The following ARMH4 variants were observed in gnomAD, a reference collection of about 807,000 sequenced individuals.
ARMH4 encodes armadillo like helical domain containing 4.
In ARMH4, 49 loss-of-function variants were observed where a neutral mutation model predicts 61.9. The ratio of observed to expected loss-of-function variants is 0.79; its 90% CI spans 0.63 to 1.00. ARMH4 has a LOEUF of 1.00. ARMH4 is among the 50% of genes least tolerant of loss of function. ARMH4 has a pLI of 0.00. For missense variants in ARMH4, 934 were observed against 930.0 expected (o/e 1.00, Z -0.06); for synonymous variants, 368 against 341.5 (o/e 1.08, Z -0.85).
intron 1 of ARMH4, among the ~76,000 whole-genome samples, chr14:58,144,380 A>G (rs1266434658): frequency 6.6e-6 from 1 of 152,082 alleles, no homozygotes; most frequent in East Asian, 1.9e-4. Flanking sequence ...CCTGAGCAAC[A>G]TGGCAAATCT....
chr14:58,032,339 G>A (rs1799972985), intron 5 of ARMH4, among the ~76,000 whole-genome samples: 2 of 152,258 alleles, frequency 1.3e-5, no homozygotes, highest in Non-Finnish European at 1.5e-5. Flanking sequence ...GCCCAATGAA[G>A]GGTAAGTCTA....
At chr14:58,072,926 C>A (rs1350340466) in intron 5 of ARMH4, among the ~76,000 whole-genome samples, 2 of 152,156 alleles carry the variant, frequency 1.3e-5, no homozygotes, top group African/African-American at 4.8e-5. Flanking sequence ...GGAGAAAATA[C>A]TTCTGTGTAT....
chr14:58,090,411 C>T (rs1253570327), intron 5 of ARMH4, among the ~76,000 whole-genome samples: 2 of 152,100 alleles, frequency 1.3e-5, no homozygotes, highest in Non-Finnish European at 2.9e-5. Flanking sequence ...AACACAGAAA[C>T]CATGCATGAC....
At chr14:58,038,552 TAAAA>T (rs71448937) in intron 5 of ARMH4, among the ~76,000 whole-genome samples, 1 of 136,926 alleles carries the variant, frequency 7.3e-6, no homozygotes, top group African/African-American at 2.7e-5. Flanking sequence ...TAAAGTATAA[TAAAA>T]AAAAATTAAA....
At chr14:58,140,438 A>G (rs191086113) in intron 1 of ARMH4, among the ~76,000 whole-genome samples, 2,361 of 150,736 alleles carry the variant, frequency 0.016, 62 homozygotes, top group African/African-American at 0.054. Context: ...AAAATTAGCC[A>G]GGCATGGTGG....
At chr14:58,124,225 C>T (rs1346435117) in intron 4 of ARMH4, among the ~76,000 whole-genome samples, 2 of 152,048 alleles carry the variant, frequency 1.3e-5, no homozygotes, top group Non-Finnish European at 2.9e-5. Context: ...CTTTCCAGGC[C>T]CTAAAGAAGG....
At chr14:58,004,953 C>G in intron 7 of ARMH4, 95 bp downstream of exon 7, 1 of 1,572,942 alleles carries the variant, frequency 6.4e-7, no homozygotes, top group Non-Finnish European at 8.7e-7. Flanking sequence ...CAATACCACC[C>G]AAGCATCATT....
intron 5 of ARMH4, among the ~76,000 whole-genome samples, chr14:58,044,748 AG>A (rs1257515676): frequency 1.3e-5 from 2 of 152,210 alleles, no homozygotes; most frequent in Non-Finnish European, 2.9e-5. Context: ...GAATCTACAA[AG>A]AACTCAAACA....
intron 5 of ARMH4, among the ~76,000 whole-genome samples, chr14:58,072,670 C>T (rs1220488227): frequency 2.0e-5 from 3 of 151,768 alleles, no homozygotes; most frequent in Admixed American, 1.3e-4. Context: ...TGCAGCGAGC[C>T]GAGATCGCAC....
chr14:58,011,049 G>A (rs553484304), intron 6 of ARMH4, among the ~76,000 whole-genome samples: 78 of 152,048 alleles, frequency 5.1e-4, no homozygotes, highest in African/African-American at 1.8e-3. Flanking sequence ...CAGTCCATCT[G>A]ATCCCAGCCC....
intron 1 of ARMH4, among the ~76,000 whole-genome samples, chr14:58,148,113 G>T (rs926215457): frequency 1.3e-5 from 2 of 152,102 alleles, no homozygotes; most frequent in African/African-American, 2.4e-5. Context: ...GCAGTGGCAT[G>T]ATCTCGGCTC....
At chr14:58,111,121 A>T (rs1245894674) in intron 4 of ARMH4, among the ~76,000 whole-genome samples, 1 of 152,210 alleles carries the variant, frequency 6.6e-6, no homozygotes, top group East Asian at 1.9e-4. Flanking sequence ...TGAAGATAAC[A>T]TATTTGCTAA....
intron 5 of ARMH4, among the ~76,000 whole-genome samples, chr14:58,093,334 C>T (rs544956306): frequency 1.5e-4 from 23 of 152,258 alleles, no homozygotes; most frequent in African/African-American, 5.3e-4. Flanking sequence ...GCTGGGACTA[C>T]AGGCACATAC....
chr14:58,016,069 C>T (rs960012359), intron 5 of ARMH4, among the ~76,000 whole-genome samples: 1 of 151,806 alleles, frequency 6.6e-6, no homozygotes, highest in African/African-American at 2.4e-5. Context: ...ATATCAAAAG[C>T]TTTATTAAGG....
intron 1 of ARMH4, among the ~76,000 whole-genome samples, chr14:58,148,846 T>TACACACACACACAC (rs138826141): frequency 6.9e-6 from 1 of 145,826 alleles, no homozygotes; most frequent in African/African-American, 2.5e-5. Context: ...CAGAGTTTAT[T>TACACACACACACAC]ACACACACAC....
chr14:58,055,525 T>C (rs535622573), intron 5 of ARMH4, among the ~76,000 whole-genome samples: 1 of 152,340 alleles, frequency 6.6e-6, no homozygotes, highest in East Asian at 1.9e-4. Flanking sequence ...AATTACCCTA[T>C]ATTTAATCAG....
chr14:58,044,761 A>G (rs1325921625), intron 5 of ARMH4, among the ~76,000 whole-genome samples: 5 of 152,216 alleles, frequency 3.3e-5, no homozygotes, highest in Non-Finnish European at 7.3e-5. Context: ...ACTCAAACAA[A>G]TTTACAAGAA....
chr14:58,036,602 A>G (rs1001720078), intron 5 of ARMH4, among the ~76,000 whole-genome samples: 1 of 127,026 alleles, frequency 7.9e-6, no homozygotes, highest in African/African-American at 2.9e-5. Context: ...GAAAAGAGGA[A>G]GTCAAATTGT....
chr14:58,068,237 A>AC (rs962874536), intron 5 of ARMH4, among the ~76,000 whole-genome samples: 1 of 151,682 alleles, frequency 6.6e-6, no homozygotes, highest in South Asian at 2.1e-4. Flanking sequence ...CTACCCCCCA[A>AC]CCCCCCTCCA....
Sources: allele counts gnomAD v4.1 joint callset (sites outside exome capture counted in the v4.1 genomes callset), GRCh38; gene constraint gnomAD v4.1.1; transcripts MANE v1.5; gene names NCBI Gene and HGNC (gene_info 2026-07-23, HGNC 2026-07-21).